DLG2: variants seen among roughly 807,000 people sequenced by gnomAD.
The protein encoded by DLG2 is disks large homolog 2.
DLG2 carries 45 observed loss-of-function variants against 132.5 expected under a neutral mutation model. The ratio of observed to expected loss-of-function variants is 0.34; its 90% CI spans 0.27 to 0.44. DLG2 has a LOEUF of 0.44. DLG2 is among the 20% of genes least tolerant of loss of function. The pLI is 1.00. For missense variants in DLG2, 1,045 were observed against 1,196.9 expected, an observed-to-expected ratio of 0.87 and a Z score of 1.87; for synonymous variants, 424 against 419.6, an observed-to-expected ratio of 1.01 and a Z score of -0.13.
At chr11:85,280,871 A>G (rs185763217) in intron 4 of DLG2, among the ~76,000 whole-genome samples, 7 of 151,740 alleles carry the variant, frequency 4.6e-5, no homozygotes, top group Non-Finnish European at 4.4e-5. Flanking sequence ...TGTTTTTAAA[A>G]AGGTCATTTA....
intron 6 of DLG2, among the ~76,000 whole-genome samples, chr11:85,057,814 A>C (rs1364490092): frequency 6.6e-6 from 1 of 151,620 alleles, no homozygotes; most frequent in Admixed American, 6.6e-5. Context: ...ATCAGCCAAC[A>C]CAATTCACCA....
rs751812039 is a variant in DLG2, at chr11:84,900,692, T to C, written c.357+210969A>G. Among the ~76,000 whole-genome samples the C allele has an allele frequency of 5.9e-5, 9 of 152,080 alleles. No homozygotes were observed. The South Asian group carries it at 6.2e-4, about 10-fold the overall frequency. Reference sequence around the variant, plus strand: ...TCATGCATAACTGGATCATTGAAGATAGAACTAAATGAAATTAGCTCTTCA... The same window carrying C: ...TCATGCATAACTGGATCATTGAAGACAGAACTAAATGAAATTAGCTCTTCA... On this transcript the variant is annotated intron_variant, in intron 6 of 27. Coordinates refer to ENST00000376104, the MANE Select transcript of DLG2 (RefSeq NM_001142699.3).
intron 18 of DLG2, among the ~76,000 whole-genome samples, chr11:83,732,597 C>T (rs779005279): frequency 2.6e-5 from 4 of 152,162 alleles, no homozygotes; most frequent in African/African-American, 7.2e-5. Context: ...GAGCCCAAAG[C>T]GTATAAAACC....
At chr11:84,567,071 T>C (rs1430390047) in intron 6 of DLG2, among the ~76,000 whole-genome samples, 2 of 152,162 alleles carry the variant, frequency 1.3e-5, no homozygotes, top group Admixed American at 1.3e-4. Context: ...GTATGCTTAC[T>C]ACAGCTGAAA....
At chr11:85,160,290 C>T (rs2152471108) in intron 4 of DLG2, among the ~76,000 whole-genome samples, 1 of 152,266 alleles carries the variant, frequency 6.6e-6, no homozygotes, top group East Asian at 1.9e-4. Context: ...AGCTGCTCTG[C>T]CATTTGCGCC....
chr11:84,738,476 A>G (rs2064158742), intron 6 of DLG2, among the ~76,000 whole-genome samples: 4 of 152,192 alleles, frequency 2.6e-5, no homozygotes, highest in African/African-American at 4.8e-5. Flanking sequence ...CTTGATTTCA[A>G]TATACTAGGT....
At chr11:83,769,302 A>C (rs1345024166) in intron 18 of DLG2, among the ~76,000 whole-genome samples, 1 of 152,204 alleles carries the variant, frequency 6.6e-6, no homozygotes, top group Non-Finnish European at 1.5e-5. Flanking sequence ...TAAAAATATT[A>C]CTGGCACTCA....
At chr11:84,645,704 T>A (rs1377813822) in intron 6 of DLG2, among the ~76,000 whole-genome samples, 2 of 152,182 alleles carry the variant, frequency 1.3e-5, no homozygotes, top group African/African-American at 4.8e-5. Flanking sequence ...CCTGACCTCG[T>A]GATCCGCCAG....
rs552943634 is a variant in DLG2, at chr11:84,098,643, C to G, written c.749+280G>C. Among the ~76,000 whole-genome samples, 9 of 152,234 alleles carry G rather than the reference C, an allele frequency of 5.9e-5. No homozygotes were observed. In the East Asian group the frequency reaches 1.7e-3, roughly 29 times the overall value. ...TAGTTCATATTTATGTTCTTTCCAA[C>G]TAGACTGAAGGCCTCATCCAAACAA... On this transcript the variant is annotated intron_variant, in intron 10 of 27. Coordinates refer to ENST00000376104, the MANE Select transcript of DLG2 (RefSeq NM_001142699.3).
At chr11:84,031,233 A>T (rs923705136) in intron 11 of DLG2, among the ~76,000 whole-genome samples, 3 of 17,730 alleles carry the variant, frequency 1.7e-4, no homozygotes, top group East Asian at 3.2e-3. Flanking sequence ...CCAGAAAGGT[A>T]AAAAAAAAAA....
intron 6 of DLG2, among the ~76,000 whole-genome samples, chr11:84,895,547 T>C (rs980041713): frequency 6.6e-6 from 1 of 152,158 alleles, no homozygotes; most frequent in Non-Finnish European, 1.5e-5. Context: ...ACCACCTACA[T>C]CTATGACATC....
At chr11:83,814,124 C>T (rs962993997) in intron 17 of DLG2, among the ~76,000 whole-genome samples, 3 of 151,988 alleles carry the variant, frequency 2.0e-5, no homozygotes, top group African/African-American at 7.2e-5. Context: ...TTAAAAGAAT[C>T]AGGATTTCTA....
At chr11:85,451,625 A>C (rs1211411661) in intron 3 of DLG2, among the ~76,000 whole-genome samples, 1 of 152,222 alleles carries the variant, frequency 6.6e-6, no homozygotes, top group South Asian at 2.1e-4. Flanking sequence ...TAGTAAAAAT[A>C]CCTAACTCAG....
At chr11:84,066,032 A>C (rs1226511579) in intron 10 of DLG2, among the ~76,000 whole-genome samples, 1 of 152,170 alleles carries the variant, frequency 6.6e-6, no homozygotes. Flanking sequence ...ACGTATGGAC[A>C]CAAAGAGGGG....
chr11:83,666,223 T>C lies in DLG2; in HGVS notation c.1826-32898A>G, dbSNP rs868228100. 1.1e-4 allele frequency among the ~76,000 whole-genome samples: 16 copies of C among 152,322 alleles called. No individual in the cohort carries two copies. In the Middle Eastern group the frequency reaches 0.024, roughly 227 times the overall value. ...AAGGCTGTCTTGTATTTGAATGTTA[T>C]TGTATTTGTTGTTCTTATCCCTTGA... On this transcript the variant is annotated intron_variant, in intron 18 of 27. Coordinates refer to ENST00000376104, the MANE Select transcript of DLG2 (RefSeq NM_001142699.3).
chr11:83,614,193 C>T (rs1439430400), intron 19 of DLG2, among the ~76,000 whole-genome samples: 1 of 152,138 alleles, frequency 6.6e-6, no homozygotes, highest in Non-Finnish European at 1.5e-5. Context: ...CTCCACTACA[C>T]TGGGAGTACC....
intron 16 of DLG2, among the ~76,000 whole-genome samples, chr11:83,865,326 G>C (rs762943133): frequency 5.9e-5 from 9 of 152,004 alleles, no homozygotes; most frequent in Non-Finnish European, 1.2e-4. Flanking sequence ...TCTGTAGACA[G>C]GATAAATGAC....
chr11:84,435,751 A>C (rs1248473460), intron 7 of DLG2, among the ~76,000 whole-genome samples: 1 of 152,170 alleles, frequency 6.6e-6, no homozygotes, highest in Non-Finnish European at 1.5e-5. Context: ...AGAAGCTCAG[A>C]TTACTTTGTT....
At chr11:83,887,165 T>C (rs1230706973) in intron 15 of DLG2, among the ~76,000 whole-genome samples, 1 of 151,948 alleles carries the variant, frequency 6.6e-6, no homozygotes, top group African/African-American at 2.4e-5. Flanking sequence ...CAGGAGTTGG[T>C]TTTTTGAAAG....
Sources: allele counts gnomAD v4.1 joint callset (sites outside exome capture counted in the v4.1 genomes callset), GRCh38; gene constraint gnomAD v4.1.1; transcripts MANE v1.5; gene names NCBI Gene and HGNC (gene_info 2026-07-23, HGNC 2026-07-21).